ARAP1: variants seen among roughly 807,000 people sequenced by gnomAD.
ARAP1 encodes the protein arf-GAP with Rho-GAP domain, ANK repeat and PH domain-containing protein 1.
A neutral mutation model predicts 172.2 loss-of-function variants in ARAP1; 76 were observed. That is an observed-to-expected ratio of 0.44 (90% CI 0.37 to 0.53). ARAP1 has a LOEUF of 0.53. ARAP1 is among the 20% of genes least tolerant of loss of function. The pLI, the probability that ARAP1 is intolerant of heterozygous loss-of-function variation, is 0.00. For synonymous variants in ARAP1, 804 were observed against 803.3 expected, an observed-to-expected ratio of 1.00 and a Z score of -0.01; for missense variants, 1,686 against 1,977.5, an observed-to-expected ratio of 0.85 and a Z score of 2.80.
chr11:72,709,448 G>A (rs906466247), intron 11 of ARAP1, among the ~76,000 whole-genome samples: 2 of 152,172 alleles, frequency 1.3e-5, no homozygotes, highest in Non-Finnish European at 2.9e-5. Context: ...AGAGGACAGA[G>A]AAAGACACCA....
At position 72,726,813 on chromosome 11, in the gene ARAP1, T is replaced by C. The variant is rs1258210396; in HGVS notation, c.316A>G (p.Thr106Ala). 1 of 1,561,496 alleles carries C rather than the reference T, an allele frequency of 6.4e-7. No individual in the cohort carries two copies. The highest frequency in any genetic ancestry group is 1.4e-5 in the African/African-American group (1 of 73,494). Reference sequence around the variant, plus strand: ...GCAGCGGGGAGCCCCTCATCCTCTGTAGTGGTGGGCAGCGGCTCGGGTGGA... The same window carrying C: ...GCAGCGGGGAGCCCCTCATCCTCTGCAGTGGTGGGCAGCGGCTCGGGTGGA... The part of the protein sequence containing the change: ...ATPPEPLPTT[T>A]EDEGLPAAPP... Residue 106 changes from threonine (T) to alanine (A), a missense_variant, in exon 3 of 35, where the codon ACA becomes GCA. Around this residue, in one of 5 missense-constraint regions of ARAP1, gnomAD observed 190 missense variants for 228.6 expected, o/e 0.83. Coordinates refer to ENST00000393609, the MANE Select transcript of ARAP1 (RefSeq NM_001040118.3). This position sits in a 1 kb window ranked among gnomAD's most constrained non-coding sequence, Gnocchi z 6.5.
chr11:72,751,671 T>TATA (rs1186903810), intron 1 of ARAP1, among the ~76,000 whole-genome samples: 1 of 151,076 alleles, frequency 6.6e-6, no homozygotes, highest in African/African-American at 2.4e-5. Context: ...GAAGGGACGG[T>TATA]ATATAGCAGA....
intron 1 of ARAP1, among the ~76,000 whole-genome samples, chr11:72,749,186 T>C (rs1858462848): frequency 6.6e-6 from 1 of 152,132 alleles, no homozygotes; most frequent in Non-Finnish European, 1.5e-5. Context: ...AGCACCTCAC[T>C]CAGCCCTGGG....
chr11:72,718,086 G>A (rs1857357855), intron 3 of ARAP1, among the ~76,000 whole-genome samples: 1 of 152,234 alleles, frequency 6.6e-6, no homozygotes, highest in Non-Finnish European at 1.5e-5. Flanking sequence ...GTGGAACACA[G>A]GGGCCTCTCG....
rs903626906 is a variant in ARAP1, at chr11:72,695,357, G to C, written c.3576+30C>G. ...GTACCTGGCCCAGCCTGATTCTCTA[G>C]CCCCTTGGCTTCTAGGTCCCAGCAC... On this transcript the variant is annotated intron_variant, in intron 26 of 34. Coordinates refer to ENST00000393609, the MANE Select transcript of ARAP1 (RefSeq NM_001040118.3). The surrounding 1 kb of genome is among the most constrained non-coding windows in gnomAD (Gnocchi z 4.4). The C allele has an allele frequency of 1.1e-5, 17 of 1,613,744 alleles. No homozygotes were observed. Among genetic ancestry groups the C allele is most frequent in the Non-Finnish European group, 1.4e-5 (16 of 1,179,796 alleles).
chr11:72,717,161 G>A (rs1228955523), intron 3 of ARAP1, among the ~76,000 whole-genome samples: 1 of 152,190 alleles, frequency 6.6e-6, no homozygotes, highest in Admixed American at 6.5e-5. Flanking sequence ...AAGAGCATGA[G>A]CTGGGGTGCT....
chr11:72,693,477 G>A lies in ARAP1; in HGVS notation c.3809-7C>T. ...GTGTCACCGACACGGCTGGCTGGGGGGTGGGACTGGAGTGGGCACAGGCTG... is the reference window on the plus strand; with the variant it reads ...GTGTCACCGACACGGCTGGCTGGGGAGTGGGACTGGAGTGGGCACAGGCTG... On this transcript the variant is annotated splice_region_variant and splice_polypyrimidine_tract_variant and intron_variant, in intron 28 of 34. Coordinates refer to ENST00000393609, the MANE Select transcript of ARAP1 (RefSeq NM_001040118.3). This position sits in a 1 kb window ranked among gnomAD's most constrained non-coding sequence, Gnocchi z 4.6. The A allele has an allele frequency of 1.9e-6, 3 of 1,611,960 alleles. No individual in the cohort carries two copies. The highest frequency in any genetic ancestry group is 2.5e-6 in the Non-Finnish European group (3 of 1,178,682).
intron 13 of ARAP1, 171 bp from the exon 14 acceptor site, chr11:72,704,505 T>G: frequency 1.5e-6 from 1 of 681,244 alleles, no homozygotes; most frequent in Non-Finnish European, 2.4e-6. Context: ...CTGGGGATGC[T>G]CCTGCCACCA....
intron 2 of ARAP1, among the ~76,000 whole-genome samples, chr11:72,731,885 GA>G (rs1156994117): frequency 6.6e-6 from 1 of 152,182 alleles, no homozygotes; most frequent in African/African-American, 2.4e-5. Flanking sequence ...GGAATTTGTT[GA>G]GACCAGCAGA....
At chr11:72,715,574 T>TC in intron 3 of ARAP1, among the ~76,000 whole-genome samples, 1 of 150,636 alleles carries the variant, frequency 6.6e-6, no homozygotes, top group East Asian at 1.9e-4. Context: ...TAACTTCTTT[T>TC]TTTTTTTTTT....
At chr11:72,737,460 T>C (rs913917024) in intron 1 of ARAP1, among the ~76,000 whole-genome samples, 1 of 152,036 alleles carries the variant, frequency 6.6e-6, no homozygotes, top group Non-Finnish European at 1.5e-5. Flanking sequence ...CATGGTAATA[T>C]CTCTACCCAC....
chr11:72,703,408 C>CGGGCGG (rs1555013435), intron 14 of ARAP1: 5 of 113,630 alleles, frequency 4.4e-5, no homozygotes, highest in African/African-American at 1.8e-4. Context: ...GTGGAGGAGC[C>CGGGCGG]GGGGGGGGGG....
chr11:72,733,662 G>T (rs1857931597), intron 1 of ARAP1, among the ~76,000 whole-genome samples: 1 of 152,134 alleles, frequency 6.6e-6, no homozygotes, highest in Non-Finnish European at 1.5e-5. Context: ...CAACACTAGG[G>T]TTAACTTCAA....
intron 2 of ARAP1, among the ~76,000 whole-genome samples, chr11:72,727,809 C>T (rs769797415): frequency 9.2e-5 from 14 of 152,254 alleles, no homozygotes; most frequent in Non-Finnish European, 1.9e-4. Context: ...GCCATTCATC[C>T]ATTTGTTCTT....
Position 72,701,696 on chromosome 11 carries a change from T to C in ARAP1, c.2255A>G (p.Lys752Arg), listed in dbSNP as rs1279250897. 2 of 1,613,810 alleles carry C rather than the reference T, an allele frequency of 1.2e-6. No individual in the cohort carries two copies. The highest frequency in any genetic ancestry group is 1.7e-6 in the Non-Finnish European group (2 of 1,179,882). The part of the protein sequence containing the change: ...PTVSHSGFLY[K>R]TASAGKLLQD... ...TAGCAGCTTGCCGGCAGAGGCAGTC[T>C]TGTAGAGGAAGCCACTGTGGCTCAC... Residue 752 changes from lysine to arginine, a missense_variant, in exon 16 of 35, where the codon AAG (lysine) becomes AGG (arginine). Lys to Arg is a conservative substitution (Grantham distance 26). Around this residue, in one of 5 missense-constraint regions of ARAP1, gnomAD observed 688 missense variants for 856.9 expected, o/e 0.80. Coordinates refer to ENST00000393609, the MANE Select transcript of ARAP1 (RefSeq NM_001040118.3).
chr11:72,711,510 A>T lies in ARAP1; in HGVS notation c.1023-11T>A. On this transcript the variant is annotated splice_polypyrimidine_tract_variant and intron_variant, in intron 7 of 34. Transcript: ENST00000393609. ...TGATAGATGTAAGATCTGGAGAGGG[A>T]GAGGGACAACAAGCAAATGACCGGG... 6.2e-7 allele frequency: 1 copy of T among 1,606,894 alleles called. No individual in the cohort carries two copies. Among genetic ancestry groups the T allele is most frequent in the Non-Finnish European group, 8.5e-7 (1 of 1,174,076 alleles).
chr11:72,725,972 C>T lies in ARAP1; in HGVS notation c.509+648G>A, dbSNP rs1210643334. On this transcript the variant is annotated intron_variant, in intron 3 of 34. Coordinates refer to ENST00000393609, the MANE Select transcript of ARAP1 (RefSeq NM_001040118.3). The surrounding 1 kb of genome is among the most constrained non-coding windows in gnomAD (Gnocchi z 4.3). ...CCCAGCAGATGGCAGGAAGGGAGGGCGTCTGTGAAGGAGATTAACATGGAA... is the reference window on the plus strand; with the variant it reads ...CCCAGCAGATGGCAGGAAGGGAGGGTGTCTGTGAAGGAGATTAACATGGAA... 6.6e-6 allele frequency among the ~76,000 whole-genome samples: 1 copy of T among 152,048 alleles called. No homozygotes were observed. Among genetic ancestry groups the T allele is most frequent in the East Asian group, 1.9e-4 (1 of 5,186 alleles).
At chr11:72,703,415 G>GGGGGAGGC (rs71469439) in intron 14 of ARAP1, 1 of 145,218 alleles carries the variant, frequency 6.9e-6, no homozygotes, top group Admixed American at 7.4e-5. Flanking sequence ...AGCCGGGGGG[G>GGGGGAGGC]GGGTGTGCTT....
chr11:72,701,048 G>T (rs569522804), intron 16 of ARAP1, among the ~76,000 whole-genome samples: 51 of 152,322 alleles, frequency 3.3e-4, no homozygotes, highest in African/African-American at 1.2e-3. Flanking sequence ...AAGGTAGTCA[G>T]AGATGACATC....
Sources: allele counts gnomAD v4.1 joint callset (sites outside exome capture counted in the v4.1 genomes callset), GRCh38; gene constraint gnomAD v4.1.1; regional missense constraint gnomAD v4.1.1; non-coding constraint Gnocchi (gnomAD v3.1); transcripts MANE v1.5; gene names NCBI Gene and HGNC (gene_info 2026-07-23, HGNC 2026-07-21).